CNTNAP4: variants seen among roughly 807,000 people sequenced by gnomAD.
CNTNAP4 encodes the protein contactin-associated protein-like 4.
In CNTNAP4, 98 loss-of-function variants were observed where a neutral mutation model predicts 148.4. The ratio of observed to expected loss-of-function variants is 0.66; its 90% CI spans 0.56 to 0.78. The LOEUF is 0.78. CNTNAP4 is among the 30% of genes least tolerant of loss of function. The pLI is 0.00. For synonymous variants in CNTNAP4, 730 were observed against 565.1 expected, an observed-to-expected ratio of 1.29 and a Z score of -4.14; for missense variants, 1,935 against 1,565.6, an observed-to-expected ratio of 1.24 and a Z score of -3.98.
Position 76,535,735 on chromosome 16 carries a change from C to A in CNTNAP4, c.2946C>A (p.Phe982Leu). ...GGKCRERPIG[F>L]FCDCTFSAYT... ...AATGCAGAGAAAGACCCATTGGGTT[C>A]TTTTGTGACTGCACTTTCTCTGCAT... Residue 982 changes from phenylalanine (F) to leucine (L), a missense_variant, in exon 18 of 24, where the codon TTC (phenylalanine) becomes TTA (leucine). By Grantham distance (22) the Phe-to-Leu change is conservative. Transcript: ENST00000611870. 6 of 1,613,924 alleles carry A rather than the reference C, an allele frequency of 3.7e-6. No individual in the cohort carries two copies. The highest frequency in any genetic ancestry group is 1.1e-5 in the South Asian group (1 of 91,076).
chr16:76,533,435 A>G (rs2084072701), intron 17 of CNTNAP4, among the ~76,000 whole-genome samples: 1 of 152,184 alleles, frequency 6.6e-6, no homozygotes, highest in Non-Finnish European at 1.5e-5. Context: ...TAGAATGACT[A>G]TAGTTTACAA....
At chr16:76,291,091 T>A (rs1483833633) in intron 1 of CNTNAP4, among the ~76,000 whole-genome samples, 1 of 152,202 alleles carries the variant, frequency 6.6e-6, no homozygotes, top group Non-Finnish European at 1.5e-5. Flanking sequence ...TCTCTCTGAA[T>A]AAAGTCACAT....
Position 76,355,398 on chromosome 16 carries a change from G to T in CNTNAP4, c.277G>T (p.Ala93Ser), listed in dbSNP as rs374909736. The change falls in exon 3 of 24, where the codon GCT becomes TCT. Residue 93 changes from alanine to serine, a missense_variant. Transcript: ENST00000611870. Reference sequence around the variant, plus strand: ...CCTTGGAGAGAGAATGGAGGTCACCGCTGTGGCCACTCAAGGGGGATATGG... The same window carrying T: ...CCTTGGAGAGAGAATGGAGGTCACCTCTGTGGCCACTCAAGGGGGATATGG... ...IDLGERMEVT[A>S]VATQGGYGSS... The T allele has an allele frequency of 1.2e-6, 2 of 1,610,848 alleles. No individual in the cohort carries two copies. The highest frequency in any genetic ancestry group is 1.7e-6 in the Non-Finnish European group (2 of 1,178,224).
intron 11 of CNTNAP4, among the ~76,000 whole-genome samples, chr16:76,477,573 T>C (rs961804009): frequency 5.3e-5 from 8 of 152,110 alleles, no homozygotes; most frequent in African/African-American, 1.9e-4. Flanking sequence ...AGAGAATCTC[T>C]CAGCTCTACC....
chr16:76,462,135 A>C (rs1200079560), intron 9 of CNTNAP4, 30 bp downstream of exon 9: 3 of 1,586,096 alleles, frequency 1.9e-6, no homozygotes, highest in African/African-American at 1.3e-5. Flanking sequence ...TCTATGAGCA[A>C]CTGAACCATA....
intron 1 of CNTNAP4, among the ~76,000 whole-genome samples, chr16:76,312,179 G>T (rs973154102): frequency 1.3e-5 from 2 of 152,128 alleles, no homozygotes; most frequent in African/African-American, 4.8e-5. Context: ...TCTTTGTGGT[G>T]GAAGGCTACC....
rs562056403 is a variant in CNTNAP4 at position 76,282,722 on chromosome 16, G to A, written c.85+4975G>A. Among the ~76,000 whole-genome samples, 14 of 151,916 alleles carry A rather than the reference G, an allele frequency of 9.2e-5. No homozygotes were observed. The East Asian group carries it at 2.5e-3, about 27-fold the overall frequency. On this transcript the variant is annotated intron_variant, in intron 1 of 23. Transcript: ENST00000611870. ...TCAATAATAAATTTCTGGGTAAATG[G>A]TTTGTGTATTTGAAATTGTATTTAT...
rs1443141878 is a variant in CNTNAP4 at position 76,492,177 on chromosome 16, ATG to A, written c.2080+2295_2080+2296del. 1.2e-4 allele frequency among the ~76,000 whole-genome samples: 18 copies of A among 152,286 alleles called. No individual in the cohort carries two copies. The South Asian group carries it at 3.7e-3, about 32-fold the overall frequency. On this transcript the variant is annotated intron_variant, in intron 13 of 23. Transcript: ENST00000611870. ...TGTAAGATGAATATATTCTGGAGAC[ATG>A]GTATACAGAATGATTACTATAGTTA...
At chr16:76,474,174 T>C (rs2081477677) in intron 10 of CNTNAP4, among the ~76,000 whole-genome samples, 1 of 152,206 alleles carries the variant, frequency 6.6e-6, no homozygotes, top group African/African-American at 2.4e-5. Flanking sequence ...TTAAAGAAGT[T>C]AGGCTCCTAC....
intron 8 of CNTNAP4, among the ~76,000 whole-genome samples, chr16:76,453,569 C>T (rs1013242534): frequency 5.9e-5 from 9 of 152,062 alleles, no homozygotes; most frequent in African/African-American, 4.8e-5. Flanking sequence ...TAAATTACTA[C>T]ATTAATTTAA....
At chr16:76,552,572 AG>A (rs2085000655) in intron 21 of CNTNAP4, among the ~76,000 whole-genome samples, 1 of 152,234 alleles carries the variant, frequency 6.6e-6, no homozygotes, top group South Asian at 2.1e-4. Flanking sequence ...TATTAATAGG[AG>A]GAAGAGATTA....
Position 76,449,870 on chromosome 16 carries a change from T to G in CNTNAP4, c.1071+12T>G. On this transcript the variant is annotated intron_variant, in intron 7 of 23. Transcript: ENST00000611870. ...AGATCATTGCTATGGTGAGAGTCTT[T>G]ATGCGAAGACATTAGTAAAACTATA... 6.3e-7 allele frequency: 1 copy of G among 1,591,968 alleles called. No homozygotes were observed. The highest frequency in any genetic ancestry group is 1.2e-5 in the South Asian group (1 of 84,832).
chr16:76,394,612 G>A (rs1357037421), intron 3 of CNTNAP4, among the ~76,000 whole-genome samples: 1 of 152,074 alleles, frequency 6.6e-6, no homozygotes, highest in Middle Eastern at 3.4e-3. Context: ...TTTAAGTGAG[G>A]TTTATAATGA....
Position 76,553,323 on chromosome 16 carries a change from G to C in CNTNAP4, c.3483G>C (p.Ala1161=), listed in dbSNP as rs144247939. The C allele has an allele frequency of 1.2e-6, 2 of 1,612,578 alleles. No homozygotes were observed. The highest frequency in any genetic ancestry group is 1.7e-6 in the Non-Finnish European group (2 of 1,179,236). Residue 1161 remains alanine (A), a synonymous_variant, in exon 22 of 24, where the codon GCG becomes GCC. Transcript: ENST00000611870. Reference sequence around the variant, plus strand: ...ACCAGGATACTGCACTGGCAGGTGCGCAGGGCTTCACAGGCTGCCTCTCTG... The same window carrying C: ...ACCAGGATACTGCACTGGCAGGTGCCCAGGGCTTCACAGGCTGCCTCTCTG... The part of the protein sequence containing the change: ...DVDQDTALAG[A]QGFTGCLSAV...
intron 10 of CNTNAP4, among the ~76,000 whole-genome samples, chr16:76,470,774 C>G (rs928987382): frequency 1.3e-5 from 2 of 151,996 alleles, no homozygotes; most frequent in African/African-American, 4.8e-5. Context: ...TGGCTCAAAC[C>G]TACAGATAAA....
chr16:76,372,527 G>T (rs2014959535), intron 3 of CNTNAP4, among the ~76,000 whole-genome samples: 1 of 152,080 alleles, frequency 6.6e-6, no homozygotes. Flanking sequence ...TGAGATAATT[G>T]AATCACGTGG....
chr16:76,501,228 A>T (rs1597751564), intron 15 of CNTNAP4, among the ~76,000 whole-genome samples: 1 of 152,346 alleles, frequency 6.6e-6, no homozygotes, highest in East Asian at 1.9e-4. Flanking sequence ...GTGCAAAGAG[A>T]TGAGGTTGTA....
chr16:76,309,871 G>A (rs1389924058), intron 1 of CNTNAP4: 5 of 701,518 alleles, frequency 7.1e-6, no homozygotes, highest in South Asian at 1.5e-5. Context: ...TCTTGCAGCC[G>A]CCATGATTCT....
At chr16:76,309,305 A>G (rs1567650952) in intron 1 of CNTNAP4, among the ~76,000 whole-genome samples, 3 of 151,948 alleles carry the variant, frequency 2.0e-5, no homozygotes. Context: ...AATCAAGCAG[A>G]GGCTGTTTAT....
Sources: gnomAD v4.1 joint callset for allele counts (sites outside exome capture counted in the v4.1 genomes callset) on GRCh38, gnomAD v4.1.1 for gene constraint, MANE v1.5 for transcripts, NCBI Gene and HGNC (gene_info 2026-07-23, HGNC 2026-07-21) for gene names.